Variants in TGFB2 observed in about 807,000 individuals in gnomAD.
The protein encoded by TGFB2 is transforming growth factor beta 2, also known as transforming growth factor beta-2 proprotein.
Under a neutral mutation model 42.7 loss-of-function variants are expected in TGFB2, and 13 were observed. The ratio of observed to expected loss-of-function variants is 0.30; its 90% CI spans 0.20 to 0.48. The LOEUF is 0.48. Ranked by LOEUF, TGFB2 falls within the 20% of genes least tolerant of loss-of-function variation. TGFB2 has a pLI of 0.99. For synonymous variants in TGFB2, 193 were observed against 193.6 expected (o/e 1.00, Z 0.03); for missense variants, 390 against 517.5 (o/e 0.75, Z 2.39).
At chr1:218,353,266 G>A (rs1385099135) in intron 1 of TGFB2, among the ~76,000 whole-genome samples, 5 of 152,068 alleles carry the variant, frequency 3.3e-5, no homozygotes, top group African/African-American at 1.2e-4. Context: ...TCTTTCCTTT[G>A]CTCACTCAGT....
At chr1:218,352,859 G>C in intron 1 of TGFB2, among the ~76,000 whole-genome samples, 1 of 152,152 alleles carries the variant, frequency 6.6e-6, no homozygotes, top group East Asian at 1.9e-4. Context: ...TGAGTTTGTG[G>C]GAGACAGCAC....
At chr1:218,428,245 G>T (rs1659690303) in intron 2 of TGFB2, among the ~76,000 whole-genome samples, 1 of 152,192 alleles carries the variant, frequency 6.6e-6, no homozygotes. Flanking sequence ...CCCTTTGTCA[G>T]ATGGGTAGAT....
chr1:218,360,456 A>C (rs1435279002), intron 1 of TGFB2, among the ~76,000 whole-genome samples: 3 of 152,176 alleles, frequency 2.0e-5, no homozygotes, highest in Admixed American at 6.5e-5. Flanking sequence ...TCTTCTAAAA[A>C]TATCAGGTTT....
Position 218,441,970 on chromosome 1 carries a change from G to A in TGFB2, c.*608G>A, listed in dbSNP as rs1409044564. On this transcript the variant is annotated 3_prime_UTR_variant, in exon 7 of 7. Coordinates refer to ENST00000366930, the MANE Select transcript of TGFB2 (RefSeq NM_003238.6). ...TGAACTCAAACGAGCCAGAAAAAAAGAGGTCATATTAATGGGATGAAAACC... is the reference window on the plus strand; with the variant it reads ...TGAACTCAAACGAGCCAGAAAAAAAAAGGTCATATTAATGGGATGAAAACC... 6.6e-6 allele frequency: 1 copy of A among 152,154 alleles called. No individual in the cohort carries two copies. The highest frequency in any genetic ancestry group is 1.5e-5 in the Non-Finnish European group (1 of 68,034). The allele number at this position is 152,154 out of a possible 1,614,324, so 9.4% of individuals were successfully genotyped here.
In TGFB2 at chr1:218,442,790, T is replaced by C. The variant is rs770610828; in HGVS notation, c.*1428T>C. 16 of 152,242 alleles carry C rather than the reference T, an allele frequency of 1.1e-4. No individual in the cohort carries two copies. The highest frequency in any genetic ancestry group is 6.5e-4 in the Admixed American group (10 of 15,280). The allele number at this position is 152,242 out of a possible 1,614,324, so 9.4% of individuals were successfully genotyped here. A position where few individuals can be genotyped will look rare whatever the true frequency, so the allele number is the denominator to read the frequency against. ...TATGTTAGGAAAAGGAGGAATGTTA[T>C]AGATACATAGAAAATTGAAGTAAAA... is the stretch of plus-strand genomic sequence containing the variant. On this transcript the variant is annotated 3_prime_UTR_variant, in exon 7 of 7. Transcript: ENST00000366930.
chr1:218,399,402 C>T (rs1434238765), intron 1 of TGFB2, among the ~76,000 whole-genome samples: 1 of 151,846 alleles, frequency 6.6e-6, no homozygotes, highest in Non-Finnish European at 1.5e-5. Context: ...TAGGTAGCCA[C>T]AAAAATTAAA....
At chr1:218,386,198 G>C (rs7517761) in intron 1 of TGFB2, among the ~76,000 whole-genome samples, 2,420 of 151,926 alleles carry the variant, frequency 0.016, 70 homozygotes, top group African/African-American at 0.054. Flanking sequence ...GGATCAGATA[G>C]ACTTGATTTG....
intron 1 of TGFB2, among the ~76,000 whole-genome samples, chr1:218,373,461 A>T (rs568250163): frequency 6.6e-6 from 1 of 151,762 alleles, no homozygotes; most frequent in African/African-American, 2.4e-5. Context: ...TAGTAATATG[A>T]TTAGTTATAA....
At chr1:218,436,221 G>A in intron 5 of TGFB2, 74 bp downstream of exon 5, 16 of 1,517,360 alleles carry the variant, frequency 1.1e-5, no homozygotes, top group Non-Finnish European at 1.4e-5. Flanking sequence ...TTCTTTTACT[G>A]TGTATTGACC....
At chr1:218,412,600 G>A (rs948486696) in intron 2 of TGFB2, among the ~76,000 whole-genome samples, 3 of 152,152 alleles carry the variant, frequency 2.0e-5, no homozygotes, top group South Asian at 2.1e-4. Context: ...TGGTATGGGC[G>A]TTGTGACCTA....
intron 2 of TGFB2, among the ~76,000 whole-genome samples, chr1:218,431,438 T>C (rs1450993692): frequency 6.6e-6 from 1 of 152,230 alleles, no homozygotes; most frequent in Non-Finnish European, 1.5e-5. Context: ...TTGGTCGATA[T>C]GGCCATAATT....
intron 1 of TGFB2, among the ~76,000 whole-genome samples, chr1:218,381,506 G>A (rs796917304): frequency 2.0e-5 from 3 of 152,010 alleles, no homozygotes; most frequent in African/African-American, 4.8e-5. Context: ...CACCCGCCTC[G>A]GCCTCCCAAA....
At chr1:218,405,887 GT>G (rs1658895332) in intron 2 of TGFB2, among the ~76,000 whole-genome samples, 1 of 152,138 alleles carries the variant, frequency 6.6e-6, no homozygotes, top group Admixed American at 6.5e-5. Context: ...CACTTCCTCA[GT>G]TGCATGAACA....
chr1:218,381,571 A>C (rs1461211134), intron 1 of TGFB2, among the ~76,000 whole-genome samples: 1 of 152,164 alleles, frequency 6.6e-6, no homozygotes, highest in Non-Finnish European at 1.5e-5. Flanking sequence ...CAGATTTTTA[A>C]GTGGTAAATC....
chr1:218,381,258 G>GTTTTTTTTTTTTTTTTTTTTTTTTGT (rs11405199), intron 1 of TGFB2, among the ~76,000 whole-genome samples: 2 of 137,746 alleles, frequency 1.5e-5, no homozygotes, highest in African/African-American at 2.7e-5. Context: ...TTTTGTTTTT[G>GTTTTTTTTTTTTTTTTTTTTTTTTGT]TTTTTTTTTT....
intron 1 of TGFB2, among the ~76,000 whole-genome samples, chr1:218,370,988 A>C (rs1001450018): frequency 6.6e-6 from 1 of 152,074 alleles, no homozygotes; most frequent in African/African-American, 2.4e-5. Context: ...GGAACAGGGA[A>C]AGGTTTCGCC....
chr1:218,402,810 C>T (rs983288421), intron 1 of TGFB2, among the ~76,000 whole-genome samples: 1 of 152,202 alleles, frequency 6.6e-6, no homozygotes, highest in Non-Finnish European at 1.5e-5. Flanking sequence ...GAAGCTTCTG[C>T]TGTCTAATGC....
At chr1:218,380,808 A>T (rs1439402893) in intron 1 of TGFB2, among the ~76,000 whole-genome samples, 1 of 152,180 alleles carries the variant, frequency 6.6e-6, no homozygotes, top group East Asian at 1.9e-4. Context: ...GATTTGCCAG[A>T]AAAAGCCCTT....
At chr1:218,433,444 ACTT>A (rs1157732162) in intron 2 of TGFB2, among the ~76,000 whole-genome samples, 1 of 152,210 alleles carries the variant, frequency 6.6e-6, no homozygotes, top group African/African-American at 2.4e-5. Flanking sequence ...ATACCAAACT[ACTT>A]CTGCTGAGAT....
Sources: gnomAD v4.1 joint callset for allele counts (sites outside exome capture counted in the v4.1 genomes callset) on GRCh38, gnomAD v4.1.1 for gene constraint, MANE v1.5 for transcripts, NCBI Gene and HGNC (gene_info 2026-07-23, HGNC 2026-07-21) for gene names.